Variants in AGMO observed in about 807,000 individuals in gnomAD.
AGMO encodes the protein alkylglycerol monooxygenase, also known as glyceryl-ether monooxygenase.
AGMO carries 75 observed loss-of-function variants against 60.2 expected under a neutral mutation model. The observed-to-expected ratio is 1.25, with a 90% CI of 1.03 to 1.51. The LOEUF is 1.51. Among genes scored for constraint, AGMO ranks in the 40% most tolerant of loss-of-function variants. AGMO has a pLI of 0.00. For synonymous variants in AGMO, 261 were observed against 177.1 expected, an observed-to-expected ratio of 1.47 and a Z score of -3.76; for missense variants, 763 against 525.5, an observed-to-expected ratio of 1.45 and a Z score of -4.42.
At chr7:15,439,993 T>A (rs2128501563) in intron 3 of AGMO, among the ~76,000 whole-genome samples, 1 of 152,242 alleles carries the variant, frequency 6.6e-6, no homozygotes, top group South Asian at 2.1e-4. Context: ...AAACCAGCTG[T>A]ATTTTGAAAA....
intron 5 of AGMO, among the ~76,000 whole-genome samples, chr7:15,403,694 T>A (rs775188633): frequency 2.0e-5 from 3 of 151,980 alleles, no homozygotes; most frequent in Non-Finnish European, 4.4e-5. Context: ...CACTTATTGT[T>A]TTACTTGTTA....
At chr7:15,248,467 A>C (rs993736389) in intron 12 of AGMO, among the ~76,000 whole-genome samples, 2 of 151,932 alleles carry the variant, frequency 1.3e-5, no homozygotes, top group African/African-American at 4.8e-5. Flanking sequence ...ATTTCTATTC[A>C]TTGGGAATAT....
chr7:15,417,430 C>T (rs944670923), intron 5 of AGMO, among the ~76,000 whole-genome samples: 2 of 152,176 alleles, frequency 1.3e-5, no homozygotes, highest in Admixed American at 6.6e-5. Flanking sequence ...TGACCCGACA[C>T]ATGGCGTGAC....
At chr7:15,299,077 T>A (rs1486492435) in intron 12 of AGMO, among the ~76,000 whole-genome samples, 1 of 152,162 alleles carries the variant, frequency 6.6e-6, no homozygotes, top group East Asian at 1.9e-4. Flanking sequence ...CACTCTTTCA[T>A]CAACACCCCA....
At chr7:15,544,966 G>GA (rs141141726) in intron 2 of AGMO, 43 bp from the exon 3 acceptor site, 46 of 1,351,128 alleles carry the variant, frequency 3.4e-5, no homozygotes, top group South Asian at 7.5e-5. Context: ...TAACATTTTA[G>GA]AAAAAAAATT....
chr7:15,249,501 C>G (rs1295487386), intron 12 of AGMO, among the ~76,000 whole-genome samples: 1 of 152,034 alleles, frequency 6.6e-6, no homozygotes, highest in Non-Finnish European at 1.5e-5. Flanking sequence ...TCCCATATCT[C>G]TTGTTTTGAG....
chr7:15,305,587 C>T (rs1482049530), intron 12 of AGMO, among the ~76,000 whole-genome samples: 2 of 151,926 alleles, frequency 1.3e-5, no homozygotes, highest in Non-Finnish European at 2.9e-5. Context: ...TAATTTTACT[C>T]TGACAGAAAT....
intron 3 of AGMO, among the ~76,000 whole-genome samples, chr7:15,449,863 T>C (rs1172442800): frequency 6.6e-6 from 1 of 152,168 alleles, no homozygotes; most frequent in Non-Finnish European, 1.5e-5. Flanking sequence ...AACTTAATAA[T>C]GTCCCACTTA....
chr7:15,378,043 A>T (rs915474940), intron 10 of AGMO, among the ~76,000 whole-genome samples: 1 of 152,024 alleles, frequency 6.6e-6, no homozygotes, highest in Non-Finnish European at 1.5e-5. Context: ...AAGAAAAACA[A>T]ACAGTAACTA....
chr7:15,549,457 A>C (rs1164799935), intron 2 of AGMO, among the ~76,000 whole-genome samples: 1 of 152,056 alleles, frequency 6.6e-6, no homozygotes, highest in Admixed American at 6.5e-5. Flanking sequence ...GCTCAAAATA[A>C]AAGGATGGAG....
chr7:15,342,046 C>T (rs879222116), intron 12 of AGMO, among the ~76,000 whole-genome samples: 1 of 151,754 alleles, frequency 6.6e-6, no homozygotes, highest in Non-Finnish European at 1.5e-5. Context: ...GCCATGAATG[C>T]TCACTTTGCT....
intron 10 of AGMO, among the ~76,000 whole-genome samples, chr7:15,374,682 A>T (rs1396157716): frequency 6.6e-6 from 1 of 152,082 alleles, no homozygotes; most frequent in African/African-American, 2.4e-5. Context: ...AATAGGATAC[A>T]AATGACATGA....
At chr7:15,398,086 T>C (rs756738385) in intron 5 of AGMO, among the ~76,000 whole-genome samples, 1 of 152,168 alleles carries the variant, frequency 6.6e-6, no homozygotes, top group Non-Finnish European at 1.5e-5. Flanking sequence ...TTACCCTTGT[T>C]TGTTTCTTTG....
chr7:15,507,701 A>C (rs1783554905), intron 3 of AGMO, among the ~76,000 whole-genome samples: 1 of 152,170 alleles, frequency 6.6e-6, no homozygotes, highest in South Asian at 2.1e-4. Flanking sequence ...AACACTGAAT[A>C]ACTAGTTGAT....
intron 3 of AGMO, among the ~76,000 whole-genome samples, chr7:15,480,901 T>C (rs2128517118): frequency 6.7e-6 from 1 of 148,370 alleles, no homozygotes; most frequent in South Asian, 2.1e-4. Flanking sequence ...AAAATCCTCA[T>C]AGTTATAGAT....
the AGMO span, among the ~76,000 whole-genome samples, chr7:15,126,203 T>TA: frequency 1.3e-5 from 2 of 152,240 alleles, no homozygotes; most frequent in East Asian, 3.9e-4. Flanking sequence ...TATATTTTCA[T>TA]AAAAAATACT....
At chr7:15,468,394 T>C (rs1236450234) in intron 3 of AGMO, among the ~76,000 whole-genome samples, 1 of 152,122 alleles carries the variant, frequency 6.6e-6, no homozygotes, top group African/African-American at 2.4e-5. Flanking sequence ...ACATTTGAAA[T>C]TGTCTATGTT....
intron 12 of AGMO, among the ~76,000 whole-genome samples, chr7:15,268,510 T>C (rs997497668): frequency 1.3e-5 from 2 of 151,992 alleles, no homozygotes; most frequent in Non-Finnish European, 2.9e-5. Flanking sequence ...TTATATTTAT[T>C]GTTTAGTTGT....
the AGMO span, among the ~76,000 whole-genome samples, chr7:15,159,129 C>A: frequency 1.3e-5 from 2 of 151,996 alleles, no homozygotes; most frequent in Non-Finnish European, 2.9e-5. Flanking sequence ...AAATAACACC[C>A]CATGTGTTAC....
Sources: gnomAD v4.1 joint callset for allele counts (sites outside exome capture counted in the v4.1 genomes callset) on GRCh38, gnomAD v4.1.1 for gene constraint, MANE v1.5 for transcripts, NCBI Gene and HGNC (gene_info 2026-07-23, HGNC 2026-07-21) for gene names.